The following MYO9A variants were observed in gnomAD, a reference collection of about 807,000 sequenced individuals.
The protein encoded by MYO9A is unconventional myosin-IXa.
MYO9A carries 103 observed loss-of-function variants against 293.3 expected under a neutral mutation model. The ratio of observed to expected loss-of-function variants is 0.35; its 90% CI spans 0.30 to 0.41. The LOEUF is 0.41. Ranked by LOEUF, MYO9A falls within the 10% of genes least tolerant of loss-of-function variation. MYO9A has a pLI of 1.00. For synonymous variants in MYO9A, 1,001 were observed against 1,035.7 expected (o/e 0.97, Z 0.64); for missense variants, 2,685 against 3,033.0 (o/e 0.89, Z 2.69).
rs562215993 is a variant in MYO9A, at chr15:72,095,706, TA to T, written c.-72+21973del. ...TCAAAGAACAGGCTGCCTCTCCTGCTAGGGGCTAAGGCAGCTAATGACTAAG... is the reference window on the plus strand; with the variant it reads ...TCAAAGAACAGGCTGCCTCTCCTGCTGGGGCTAAGGCAGCTAATGACTAAG... On this transcript the variant is annotated intron_variant, in intron 1 of 41. Coordinates refer to ENST00000356056, the MANE Select transcript of MYO9A (RefSeq NM_006901.4). 6.5e-4 allele frequency among the ~76,000 whole-genome samples: 60 copies of T among 92,886 alleles called. 9 individuals are homozygous for T. The highest frequency in any genetic ancestry group is 1.5e-3 in the African/African-American group (58 of 39,204). The allele number at this position is 92,886 out of a possible 152,430, so 60.9% of individuals were successfully genotyped here.
intron 1 of MYO9A, among the ~76,000 whole-genome samples, chr15:72,092,668 G>A (rs1380156178): frequency 4.6e-5 from 7 of 152,152 alleles, no homozygotes; most frequent in African/African-American, 1.7e-4. Context: ...TGCTGTTGTA[G>A]CATGAAAACA....
Position 71,898,082 on chromosome 15 carries a change from A to G in MYO9A, c.4421T>C (p.Ile1474Thr). 1 of 1,614,120 alleles carries G rather than the reference A, an allele frequency of 6.2e-7. No individual in the cohort carries two copies. The highest frequency in any genetic ancestry group is 8.5e-7 in the Non-Finnish European group (1 of 1,180,036). The change falls in exon 25 of 42, where the codon ATT becomes ACT. Residue 1474 changes from isoleucine (I) to threonine (T), a missense_variant. Ile to Thr is a moderately conservative substitution (Grantham distance 89). This residue lies in a region of MYO9A where 1,434 missense variants were observed against 1,497.7 expected (regional missense o/e 0.96). Transcript: ENST00000356056. The stretch of plus-strand genomic sequence containing the variant: ...AGACTCTGTATTCAAAGAAGGAACA[A>G]TCTGATCTTTTCCTGAGCAGTGATA... ...RRYHCSGKDQIVPSLNTESSN... is the reference protein window; with the variant it reads ...RRYHCSGKDQTVPSLNTESSN...
At chr15:72,040,561 G>C (rs555100261) in intron 2 of MYO9A, among the ~76,000 whole-genome samples, 2 of 152,196 alleles carry the variant, frequency 1.3e-5, no homozygotes, top group South Asian at 2.1e-4. Flanking sequence ...ATGTGTCTGC[G>C]AGCCTAATCT....
At chr15:72,017,010 C>CTTTTTTTTTTTT (rs61153023) in intron 6 of MYO9A, among the ~76,000 whole-genome samples, 1 of 58,228 alleles carries the variant, frequency 1.7e-5, no homozygotes, top group Non-Finnish European at 3.0e-5. Context: ...GAGCCCAAAT[C>CTTTTTTTTTTTT]TTTTTTTTTT....
chr15:71,914,076 C>G (rs982352888), intron 19 of MYO9A, among the ~76,000 whole-genome samples: 3 of 152,186 alleles, frequency 2.0e-5, no homozygotes, highest in Non-Finnish European at 2.9e-5. Flanking sequence ...CTCAGCAGAT[C>G]TCTAGCTCTT....
chr15:71,919,642 A>G (rs1419504021), intron 18 of MYO9A, among the ~76,000 whole-genome samples: 1 of 151,946 alleles, frequency 6.6e-6, no homozygotes, highest in Non-Finnish European at 1.5e-5. Context: ...GGAGTTCGAG[A>G]CCAGCCTGGC....
intron 13 of MYO9A, among the ~76,000 whole-genome samples, chr15:71,964,557 G>A (rs962112920): frequency 4.0e-5 from 6 of 150,110 alleles, no homozygotes; most frequent in Admixed American, 6.7e-5. Flanking sequence ...CAAGGCTGGC[G>A]GATCACGAGG....
chr15:71,957,866 T>C (rs547520152), intron 14 of MYO9A, among the ~76,000 whole-genome samples: 126 of 152,302 alleles, frequency 8.3e-4, no homozygotes, highest in Non-Finnish European at 1.6e-3. Context: ...TTGCCTAGCC[T>C]TTTTAGACTA....
At chr15:72,045,494 G>A in intron 2 of MYO9A, 5 of 340,394 alleles carry the variant, frequency 1.5e-5, no homozygotes, top group Non-Finnish European at 2.6e-5. Flanking sequence ...TGGAACTCCT[G>A]ACCTCAGGTG....
intron 6 of MYO9A, among the ~76,000 whole-genome samples, chr15:72,016,503 A>G (rs965444971): frequency 2.6e-5 from 4 of 152,224 alleles, no homozygotes; most frequent in Non-Finnish European, 5.9e-5. Context: ...CACGAAATAC[A>G]TAAGTAATGT....
intron 1 of MYO9A, among the ~76,000 whole-genome samples, chr15:72,106,945 A>C (rs997009721): frequency 6.6e-6 from 1 of 152,242 alleles, no homozygotes; most frequent in Admixed American, 6.5e-5. Flanking sequence ...AAGAAATGCA[A>C]AGAAATTTTG....
intron 1 of MYO9A, among the ~76,000 whole-genome samples, chr15:72,088,542 T>C (rs1189509151): frequency 6.6e-6 from 1 of 152,192 alleles, no homozygotes; most frequent in African/African-American, 2.4e-5. Flanking sequence ...TCTAACACAT[T>C]TGCCACTTAC....
chr15:71,969,531 C>G (rs2075960514), intron 12 of MYO9A, among the ~76,000 whole-genome samples: 1 of 152,194 alleles, frequency 6.6e-6, no homozygotes, highest in Non-Finnish European at 1.5e-5. Flanking sequence ...AAAGCATAGG[C>G]CAGCTCAACC....
chr15:71,870,311 G>A (rs576249004), intron 32 of MYO9A, among the ~76,000 whole-genome samples: 112 of 152,078 alleles, frequency 7.4e-4, no homozygotes, highest in Non-Finnish European at 5.6e-4. Flanking sequence ...GTCACAGAGG[G>A]AATGCTTGAG....
chr15:71,895,116 CT>C (rs1189884251), intron 25 of MYO9A, among the ~76,000 whole-genome samples: 1 of 152,182 alleles, frequency 6.6e-6, no homozygotes, highest in African/African-American at 2.4e-5. Flanking sequence ...TAGCTATAGG[CT>C]TCTTAGAGAT....
Position 71,938,939 on chromosome 15 carries a change from T to C in MYO9A, c.2303-12A>G, listed in dbSNP as rs1567295561. 1.3e-6 allele frequency: 2 copies of C among 1,595,050 alleles called. No homozygotes were observed. Among genetic ancestry groups the C allele is most frequent in the Non-Finnish European group, 1.7e-6 (2 of 1,169,724 alleles). On this transcript the variant is annotated splice_polypyrimidine_tract_variant and intron_variant, in intron 15 of 41. Coordinates refer to ENST00000356056, the MANE Select transcript of MYO9A (RefSeq NM_006901.4). ...TTTCCGGGTTATACCTAGCAAAATT[T>C]AAAAAACAGAAAATTTCAAATCAGT...
intron 10 of MYO9A, 87 bp downstream of exon 10, chr15:71,994,382 A>G: frequency 2.6e-6 from 2 of 768,422 alleles, no homozygotes; most frequent in Non-Finnish European, 2.1e-6. Context: ...TACTCTATAT[A>G]ATTCTGTGTT....
rs1025195723 is a variant in MYO9A at position 71,994,590 on chromosome 15, A to G, written c.1471-5T>C. The G allele has an allele frequency of 6.4e-7, 1 of 1,554,296 alleles. No individual in the cohort carries two copies. The highest frequency in any genetic ancestry group is 1.4e-5 in the African/African-American group (1 of 72,696). ...GGAGTTCCTCACTGTCACAGCCTGA[A>G]AAACAAAAGCATTACAAGTGCATGT... On this transcript the variant is annotated splice_polypyrimidine_tract_variant and splice_region_variant and intron_variant, in intron 9 of 41. Coordinates refer to ENST00000356056, the MANE Select transcript of MYO9A (RefSeq NM_006901.4).
chr15:71,992,988 TAA>T (rs1181608103), intron 10 of MYO9A, among the ~76,000 whole-genome samples: 1 of 151,584 alleles, frequency 6.6e-6, no homozygotes, highest in Admixed American at 6.6e-5. Context: ...AGTAAATAAC[TAA>T]GAGAGAAAAT....
Sources: allele counts gnomAD v4.1 joint callset (sites outside exome capture counted in the v4.1 genomes callset), GRCh38; gene constraint gnomAD v4.1.1; regional missense constraint gnomAD v4.1.1; transcripts MANE v1.5; gene names NCBI Gene and HGNC (gene_info 2026-07-23, HGNC 2026-07-21).